The following NUP98 variants were observed in gnomAD, a reference collection of about 807,000 sequenced individuals.
NUP98 encodes nucleoporin 98 and 96 precursor, also known as nuclear pore complex protein Nup98-Nup96.
Under a neutral mutation model 191.9 loss-of-function variants are expected in NUP98, and 26 were observed. The ratio of observed to expected loss-of-function variants is 0.14; its 90% confidence interval spans 0.10 to 0.19. The LOEUF (loss-of-function observed/expected upper bound fraction) is 0.19. Among genes scored for constraint, NUP98 ranks in the 10% least tolerant of loss-of-function variants. NUP98 has a pLI of 1.00. For synonymous variants in NUP98, 808 were observed against 778.4 expected (o/e 1.04, Z -0.63); for missense variants, 1,941 against 2,178.8 (o/e 0.89, Z 2.17).
At chr11:3,758,117 A>G (rs1236549051) in intron 10 of NUP98, among the ~76,000 whole-genome samples, 1 of 151,946 alleles carries the variant, frequency 6.6e-6, no homozygotes, top group East Asian at 1.9e-4. Context: ...CAACATCGAG[A>G]CCATCCTGGC....
chr11:3,731,821 A>T (rs2079864243), intron 13 of NUP98, among the ~76,000 whole-genome samples: 1 of 152,180 alleles, frequency 6.6e-6, no homozygotes, highest in African/African-American at 2.4e-5. Flanking sequence ...AAATATTTGC[A>T]TTATACTTAC....
intron 20 of NUP98, chr11:3,711,986 A>G (rs1163195078): frequency 9.6e-7 from 1 of 1,046,662 alleles, no homozygotes; most frequent in Non-Finnish European, 1.2e-6. Context: ...GATACAAGTA[A>G]TTGCGATAAA....
intron 15 of NUP98, among the ~76,000 whole-genome samples, chr11:3,724,448 AT>A (rs139668164): frequency 0.33 from 46,713 of 143,306 alleles, 7,647 homozygotes; most frequent in South Asian, 0.41. Flanking sequence ...AAAAAAAAAA[AT>A]AAATAAATAA....
intron 17 of NUP98, 100 bp from the exon 18 acceptor site, chr11:3,719,650 T>A: frequency 1.2e-6 from 1 of 841,000 alleles, no homozygotes; most frequent in Admixed American, 4.1e-5. Context: ...AAAGCAGTTT[T>A]AAGTATTAGT....
intron 12 of NUP98, among the ~76,000 whole-genome samples, chr11:3,737,624 C>T (rs4910530): frequency 0.042 from 6,343 of 152,150 alleles, 180 homozygotes; most frequent in Middle Eastern, 0.085. Context: ...GAGATTCCGT[C>T]TCAAAAACAA....
intron 29 of NUP98, 105 bp from the exon 30 acceptor site, chr11:3,683,546 T>G (rs76318032): frequency 3.0e-4 from 1 of 3,382 alleles, no homozygotes; most frequent in Non-Finnish European, 4.4e-4. Flanking sequence ...ACTGCAGGTC[T>G]TTTTTTTTTT....
intron 11 of NUP98, among the ~76,000 whole-genome samples, chr11:3,749,843 T>C (rs562327039): frequency 6.6e-6 from 1 of 152,128 alleles, no homozygotes; most frequent in South Asian, 2.1e-4. Flanking sequence ...AAGCCCAGTA[T>C]GGAAAATACA....
Position 3,683,311 on chromosome 11 carries a change from T to G in NUP98, c.4807A>C (p.Lys1603Gln). The change falls in exon 30 of 33, where the codon AAA (lysine) becomes CAA (glutamine). Residue 1603 changes from lysine (K) to glutamine (Q), a missense_variant. Coordinates refer to ENST00000324932, the MANE Select transcript of NUP98 (RefSeq NM_016320.5). ...GATTCCATGTGTGCTCGCACAGCTT[T>G]GGCCTCGTGGATCCATTTGGCAGGT... ...RVPAKWIHEA[K>Q]AVRAHMESDK... 2 of 1,614,192 alleles carry G rather than the reference T, an allele frequency of 1.2e-6. No homozygotes were observed. The highest frequency in any genetic ancestry group is 2.2e-5 in the South Asian group (2 of 91,082).
rs1242796800 is a variant in NUP98, at chr11:3,746,437, G to A, written c.1268-1788C>T. On this transcript the variant is annotated intron_variant, in intron 11 of 32. Transcript: ENST00000324932. ...CAAACTACAGAATTGTTTATTTTCT[G>A]GTAGTCTAATACCTCCTTGCCTCCA... Among the ~76,000 whole-genome samples, 42 of 151,684 alleles carry A rather than the reference G, an allele frequency of 2.8e-4. 1 individual carries two copies. The highest frequency in any genetic ancestry group is 1.5e-5 in the Non-Finnish European group (1 of 68,020).
intron 20 of NUP98, among the ~76,000 whole-genome samples, chr11:3,708,702 G>A (rs1461523900): frequency 6.9e-6 from 1 of 145,022 alleles, no homozygotes; most frequent in African/African-American, 2.6e-5. Context: ...TTTTAGGCCA[G>A]TCCTGAAAAA....
At chr11:3,734,496 T>C (rs2079970716) in intron 13 of NUP98, among the ~76,000 whole-genome samples, 1 of 152,220 alleles carries the variant, frequency 6.6e-6, no homozygotes, top group Admixed American at 6.5e-5. Context: ...ACTATTACTC[T>C]TCCCATTTTA....
chr11:3,776,428 T>C (rs1477865789), intron 4 of NUP98, among the ~76,000 whole-genome samples: 1 of 151,218 alleles, frequency 6.6e-6, no homozygotes, highest in Non-Finnish European at 1.5e-5. Context: ...CCTGATCTCA[T>C]ATCCTGAAAT....
At chr11:3,681,444 A>G (rs1291897246) in intron 30 of NUP98, among the ~76,000 whole-genome samples, 1 of 152,174 alleles carries the variant, frequency 6.6e-6, no homozygotes, top group Non-Finnish European at 1.5e-5. Flanking sequence ...AGTCTTATGA[A>G]ATGTATTTCT....
chr11:3,678,271 T>C (rs971954548), intron 31 of NUP98, among the ~76,000 whole-genome samples: 30 of 150,574 alleles, frequency 2.0e-4, no homozygotes, highest in Non-Finnish European at 3.6e-4. Context: ...ACCCACCTTT[T>C]TCTTTCAGAC....
chr11:3,679,528 G>A, intron 31 of NUP98, 26 bp downstream of exon 31: 1 of 1,613,858 alleles, frequency 6.2e-7, no homozygotes. Flanking sequence ...AGGAAAATCA[G>A]GCAGCAGTTT....
In NUP98 at chr11:3,683,952, A is replaced by G. The variant is rs2078058260; in HGVS notation, c.4677-511T>C. Reference sequence around the variant, plus strand: ...GCCAGGCACAGTGCCTCACGCCTGTAATCCCAGCACTTTGGGAGGTCAAGG... The same window carrying G: ...GCCAGGCACAGTGCCTCACGCCTGTGATCCCAGCACTTTGGGAGGTCAAGG... On this transcript the variant is annotated intron_variant, in intron 29 of 32. Coordinates refer to ENST00000324932, the MANE Select transcript of NUP98 (RefSeq NM_016320.5). Among the ~76,000 whole-genome samples the G allele has an allele frequency of 2.0e-5, 3 of 152,242 alleles. No individual in the cohort carries two copies. The South Asian group carries it at 6.2e-4, about 32-fold the overall frequency.
chr11:3,757,130 T>G (rs1339679448), intron 10 of NUP98, among the ~76,000 whole-genome samples: 1 of 100,616 alleles, frequency 9.9e-6, no homozygotes, highest in South Asian at 2.9e-4. Flanking sequence ...TATATCTATA[T>G]CTATATGTGT....
chr11:3,752,767 G>A (rs925865122), intron 11 of NUP98, among the ~76,000 whole-genome samples: 4 of 152,070 alleles, frequency 2.6e-5, no homozygotes, highest in Non-Finnish European at 5.9e-5. Context: ...CCATCATCAC[G>A]CTCCAGCTGT....
intron 28 of NUP98, among the ~76,000 whole-genome samples, chr11:3,686,598 T>C (rs1207772467): frequency 3.9e-5 from 6 of 152,218 alleles, no homozygotes; most frequent in Non-Finnish European, 4.4e-5. Context: ...TCTTTCTTTC[T>C]CTGACATATT....
Sources: gnomAD v4.1 joint callset for allele counts (sites outside exome capture counted in the v4.1 genomes callset) on GRCh38, gnomAD v4.1.1 for gene constraint, MANE v1.5 for transcripts, NCBI Gene and HGNC (gene_info 2026-07-23, HGNC 2026-07-21) for gene names.